Variants in NCBP3 observed in about 807,000 individuals in gnomAD.
NCBP3 encodes nuclear cap-binding protein subunit 3.
A neutral mutation model predicts 75.7 loss-of-function variants in NCBP3; 20 were observed. The observed-to-expected ratio is 0.26, with a 90% CI of 0.19 to 0.38. The LOEUF (loss-of-function observed/expected upper bound fraction) is 0.38, where lower values mean the gene tolerates loss of function less well. Among genes scored for constraint, NCBP3 ranks in the 10% least tolerant of loss-of-function variants. The pLI, the probability that NCBP3 is intolerant of heterozygous loss-of-function variation, is 1.00. For synonymous variants in NCBP3, 293 were observed against 290.5 expected, an observed-to-expected ratio of 1.01 and a Z score of -0.09; for missense variants, 678 against 796.9, an observed-to-expected ratio of 0.85 and a Z score of 1.80.
chr17:3,817,705 T>C (rs1375755359), intron 10 of NCBP3, among the ~76,000 whole-genome samples: 1 of 152,186 alleles, frequency 6.6e-6, no homozygotes, highest in Non-Finnish European at 1.5e-5. Flanking sequence ...TAAACACATA[T>C]TGTTTTGTGT....
At position 3,814,306 on chromosome 17, in the gene NCBP3, T is replaced by C. The variant is rs1250544119; in HGVS notation, c.1627+16A>G. ...TCACTGAATCCCCATTCCCATCCGT[T>C]TTAAGTGTTACCAACCTGATTTCTT... On this transcript the variant is annotated intron_variant, in intron 12 of 12. Transcript: ENST00000389005. 1 of 1,613,588 alleles carries C rather than the reference T, an allele frequency of 6.2e-7. No individual in the cohort carries two copies. The highest frequency in any genetic ancestry group is 2.2e-5 in the East Asian group (1 of 44,882).
rs8071690 is a variant in NCBP3, at chr17:3,806,588, A to T, written c.*6456T>A. ...TAGGTGAAATACCGCCTATACTCTC[A>T]AGTTTTATGGATAGTGCAGCCAAAT... On this transcript the variant is annotated 3_prime_UTR_variant, in exon 13 of 13. Coordinates refer to ENST00000389005, the MANE Select transcript of NCBP3 (RefSeq NM_001114118.3). 0.42 allele frequency: 64,003 copies of T among 151,918 alleles called. 14,266 individuals are homozygous for T. The highest frequency in any genetic ancestry group is 0.61 in the East Asian group (3,136 of 5,176). 9.4% of individuals were successfully genotyped at this position (151,918 alleles called of 1,614,324 possible). A position where few individuals can be genotyped will look rare whatever the true frequency, so the allele number is the denominator to read the frequency against.
rs577707076 is a variant in NCBP3 at position 3,846,219 on chromosome 17, G to T, written c.5C>A (p.Ala2Glu). The change falls in exon 1 of 13, where the codon GCG becomes GAG. Residue 2 changes from alanine (A) to glutamate (E), a missense_variant. By Grantham distance (107) the Ala-to-Glu change is moderately radical. Transcript: ENST00000389005. This position sits in a 1 kb window ranked among gnomAD's most constrained non-coding sequence, Gnocchi z 4.6. Reference sequence around the variant, plus strand: ...CGACACCCGCAGGCCCCGTACGGCCGCCATCGCTGCCTGCCGGCCGCACCA... The same window carrying T: ...CGACACCCGCAGGCCCCGTACGGCCTCCATCGCTGCCTGCCGGCCGCACCA... Reference protein sequence around the residue: MAAVRGLRVSVK... With the variant: MEAVRGLRVSVK... The T allele has an allele frequency of 1.7e-5, 24 of 1,431,094 alleles. No individual in the cohort carries two copies. In the South Asian group the frequency reaches 2.2e-4, roughly 13 times the overall value. The allele number at this position is 1,431,094 out of a possible 1,614,324, so 88.6% of individuals were successfully genotyped here. A position where few individuals can be genotyped will look rare whatever the true frequency, so the allele number is the denominator to read the frequency against.
chr17:3,816,844 T>C (rs1426141652), intron 10 of NCBP3, among the ~76,000 whole-genome samples: 2 of 151,710 alleles, frequency 1.3e-5, no homozygotes, highest in African/African-American at 2.4e-5. Flanking sequence ...CCATCCTGGC[T>C]AACATGGTGA....
chr17:3,843,965 C>G lies in NCBP3; in HGVS notation c.184-814G>C, dbSNP rs564749617. 3.3e-5 allele frequency among the ~76,000 whole-genome samples: 5 copies of G among 152,322 alleles called. No homozygotes were observed. The East Asian group carries it at 9.6e-4, about 29-fold the overall frequency. On this transcript the variant is annotated intron_variant, in intron 1 of 12. Transcript: ENST00000389005. The stretch of plus-strand genomic sequence containing the variant: ...CAATCAACCACTCCAATAAGAAGAT[C>G]AGAGCCTGTCCAAAAACTGAAGTGA...
rs1171220501 is a variant in NCBP3, at chr17:3,826,183, T to C, written c.514A>G (p.Thr172Ala). ...NVVWLDEMTATRALINMSSLP... is the reference protein window; with the variant it reads ...NVVWLDEMTAARALINMSSLP... The stretch of plus-strand genomic sequence containing the variant: ...GAGCTCATATTGATAAGTGCTCGTG[T>C]GGCTGTCATTTCATCCAGCCAAACT... Residue 172 changes from threonine (T) to alanine (A), a missense_variant, in exon 5 of 13, where the codon ACA (threonine) becomes GCA (alanine). Around this residue, in one of 7 missense-constraint regions of NCBP3, gnomAD observed 98 missense variants for 101.8 expected, o/e 0.96. Coordinates refer to ENST00000389005, the MANE Select transcript of NCBP3 (RefSeq NM_001114118.3). 7 of 1,550,396 alleles carry C rather than the reference T, an allele frequency of 4.5e-6. No individual in the cohort carries two copies. The East Asian group carries it at 1.5e-4, about 32-fold the overall frequency.
intron 3 of NCBP3, among the ~76,000 whole-genome samples, chr17:3,836,411 T>C (rs2053971894): frequency 6.6e-6 from 1 of 152,058 alleles, no homozygotes; most frequent in Admixed American, 6.5e-5. Context: ...TCCCAGCACT[T>C]TGGGAGGCTG....
chr17:3,832,401 G>C (rs8067015), intron 3 of NCBP3, among the ~76,000 whole-genome samples: 1 of 117,054 alleles, frequency 8.5e-6, no homozygotes, highest in African/African-American at 2.6e-5. Flanking sequence ...TGGGAGGCCG[G>C]GGCGGGCAGA....
intron 3 of NCBP3, among the ~76,000 whole-genome samples, chr17:3,829,609 G>C (rs2053843606): frequency 6.6e-6 from 1 of 152,118 alleles, no homozygotes; most frequent in African/African-American, 2.4e-5. Flanking sequence ...TTAAACAAAG[G>C]GTGTTGATAA....
In NCBP3 at chr17:3,818,114, T is replaced by C. The variant is rs1045860119; in HGVS notation, c.1310+149A>G. The C allele has an allele frequency of 2.1e-5, 14 of 661,550 alleles. No individual in the cohort carries two copies. The African/African-American group carries it at 2.2e-4, about 11-fold the overall frequency. 41.0% of individuals were successfully genotyped at this position (661,550 alleles called of 1,614,324 possible). A position where few individuals can be genotyped will look rare whatever the true frequency, so the allele number is the denominator to read the frequency against. On this transcript the variant is annotated intron_variant, in intron 10 of 12. Transcript: ENST00000389005. The surrounding 1 kb of genome is among the most constrained non-coding windows in gnomAD (Gnocchi z 4.7). Reference sequence around the variant, plus strand: ...TTTATAACAAGAATCACTGCTTGTATAGAGGAAATACTGGATGCGTTTATT... The same window carrying C: ...TTTATAACAAGAATCACTGCTTGTACAGAGGAAATACTGGATGCGTTTATT...
Position 3,822,001 on chromosome 17 carries a change from T to C in NCBP3, c.848A>G (p.Tyr283Cys), listed in dbSNP as rs1365878253. ...AARRSQYYMK[Y>C]GNPNYGGMKG... ...CATGCCTCCATAATTTGGATTCCCATATTTCATGTAATACTGACTTCTTCT... is the reference window on the plus strand; with the variant it reads ...CATGCCTCCATAATTTGGATTCCCACATTTCATGTAATACTGACTTCTTCT... Residue 283 changes from tyrosine (Y) to cysteine (C), a missense_variant, in exon 8 of 13, where the codon TAT becomes TGT. Tyr to Cys is a radical substitution (Grantham distance 194, BLOSUM62 -2). Around this residue, in one of 7 missense-constraint regions of NCBP3, gnomAD observed 38 missense variants for 78.9 expected, o/e 0.48. Coordinates refer to ENST00000389005, the MANE Select transcript of NCBP3 (RefSeq NM_001114118.3). 5 of 1,613,532 alleles carry C rather than the reference T, an allele frequency of 3.1e-6. No individual in the cohort carries two copies. The African/African-American group carries it at 4.0e-5, about 13-fold the overall frequency.
At chr17:3,837,369 T>A (rs1468378412) in intron 3 of NCBP3, among the ~76,000 whole-genome samples, 7 of 150,694 alleles carry the variant, frequency 4.6e-5, no homozygotes, top group African/African-American at 1.7e-4. Flanking sequence ...CGGTGGCAGG[T>A]GCCTGTAATC....
At chr17:3,841,417 AAAC>A (rs1341650805) in intron 2 of NCBP3, among the ~76,000 whole-genome samples, 3 of 152,192 alleles carry the variant, frequency 2.0e-5, no homozygotes, top group Admixed American at 6.5e-5. Context: ...TTCCTAGTAC[AAAC>A]AACAATTTAC....
Position 3,826,121 on chromosome 17 carries a change from GGC to G in NCBP3, c.574_575del (p.Ala192GlnfsTer2). On this transcript the variant is annotated frameshift_variant, in exon 5 of 13. Coordinates refer to ENST00000389005, the MANE Select transcript of NCBP3 (RefSeq NM_001114118.3). LOFTEE classifies it high-confidence loss of function. ...TTTTCTCAGCTGACTTGTCCTCACTGGCATCCCTGCTTCTGATCTTATCCTGT... is the reference window on the plus strand; with the variant it reads ...TTTTCTCAGCTGACTTGTCCTCACTGATCCCTGCTTCTGATCTTATCCTGT... ...PAQDKIRSRD[A>X]SEDKSAEKRK... 6.4e-7 allele frequency: 1 copy of G among 1,551,536 alleles called. No homozygotes were observed.
rs7224286 is a variant in NCBP3, at chr17:3,808,783, G to A, written c.*4261C>T. On this transcript the variant is annotated 3_prime_UTR_variant, in exon 13 of 13. Transcript: ENST00000389005. ...CTTGCTCTGCTGCCCAGGCTGGAGT[G>A]CAGTGGCTTGATCATAGCTCACCAC... The A allele has an allele frequency of 0.082, 12,416 of 152,252 alleles. 724 individuals are homozygous for A. Among genetic ancestry groups the A allele is most frequent in the African/African-American group, 0.15 (6,159 of 41,460 alleles). The allele number at this position is 152,252 out of a possible 1,614,324, so 9.4% of individuals were successfully genotyped here.
chr17:3,825,974 T>C (rs1004310780), intron 5 of NCBP3, 113 bp downstream of exon 5: 39 of 1,430,382 alleles, frequency 2.7e-5, no homozygotes, highest in African/African-American at 1.3e-4. Flanking sequence ...TCAAGCATCA[T>C]AGATTAGTTC....
chr17:3,843,256 T>G, intron 1 of NCBP3, 105 bp from the exon 2 acceptor site: 1 of 918,378 alleles, frequency 1.1e-6, no homozygotes, highest in Non-Finnish European at 1.7e-6. Context: ...TTTTTTTTTT[T>G]TTTGTTGGTG....
In NCBP3 at chr17:3,829,344, G is replaced by A. The variant is rs1237004498; in HGVS notation, c.380C>T (p.Thr127Ile). 1.3e-6 allele frequency: 2 copies of A among 1,551,892 alleles called. No individual in the cohort carries two copies. Among genetic ancestry groups the A allele is most frequent in the Non-Finnish European group, 8.7e-7 (1 of 1,147,004 alleles). Reference sequence around the variant, plus strand: ...CTCATCTACTCCGCAAATATAGATTGTCTCCAGTCTCACCTTGGGGATTGC... The same window carrying A: ...CTCATCTACTCCGCAAATATAGATTATCTCCAGTCTCACCTTGGGGATTGC... ...KKAIPKVRLETIYICGVDEMS... is the reference protein window; with the variant it reads ...KKAIPKVRLEIIYICGVDEMS... The change falls in exon 4 of 13, where the codon ACA becomes ATA. Residue 127 changes from threonine to isoleucine, a missense_variant. Around this residue, in one of 7 missense-constraint regions of NCBP3, gnomAD observed 40 missense variants for 41.3 expected, o/e 0.97. Coordinates refer to ENST00000389005, the MANE Select transcript of NCBP3 (RefSeq NM_001114118.3).
chr17:3,840,826 C>A (rs2054051019), intron 2 of NCBP3, among the ~76,000 whole-genome samples: 1 of 152,194 alleles, frequency 6.6e-6, no homozygotes. Flanking sequence ...CTCTTCCAGC[C>A]TCGTGTCCAC....
Sources: gnomAD v4.1 joint callset for allele counts (sites outside exome capture counted in the v4.1 genomes callset) on GRCh38, gnomAD v4.1.1 for gene constraint, gnomAD v4.1.1 regional missense constraint, Gnocchi (gnomAD v3.1) non-coding constraint, MANE v1.5 for transcripts, NCBI Gene and HGNC (gene_info 2026-07-23, HGNC 2026-07-21) for gene names.